RAB3C: variants seen among roughly 807,000 people sequenced by gnomAD.
RAB3C encodes RAB3C, member RAS oncogene family.
RAB3C carries 17 observed loss-of-function variants against 26.4 expected under a neutral mutation model. That is an observed-to-expected ratio of 0.64 (90% CI 0.44 to 0.97). RAB3C has a LOEUF of 0.97. RAB3C is among the 50% of genes least tolerant of loss of function. The pLI is 0.00. For missense variants in RAB3C, 242 were observed against 281.9 expected (o/e 0.86, Z 1.01); for synonymous variants, 91 against 95.9 (o/e 0.95, Z 0.30).
intron 3 of RAB3C, among the ~76,000 whole-genome samples, chr5:58,800,791 A>C (rs1742790348): frequency 6.6e-6 from 1 of 152,208 alleles, no homozygotes; most frequent in Admixed American, 6.5e-5. Flanking sequence ...TGCCAAGTGT[A>C]GCTCAGAGTG....
At chr5:58,684,427 C>A (rs1006164057) in intron 2 of RAB3C, among the ~76,000 whole-genome samples, 1 of 152,128 alleles carries the variant, frequency 6.6e-6, no homozygotes, top group South Asian at 2.1e-4. Context: ...CCTAGAGATC[C>A]ACAGGCCTCA....
intron 3 of RAB3C, among the ~76,000 whole-genome samples, chr5:58,798,286 T>A (rs1051640823): frequency 6.6e-6 from 1 of 152,140 alleles, no homozygotes; most frequent in Non-Finnish European, 1.5e-5. Flanking sequence ...ATGCCACAGG[T>A]TAGTTTTTAA....
intron 3 of RAB3C, among the ~76,000 whole-genome samples, chr5:58,793,726 T>A (rs1742581544): frequency 6.6e-6 from 1 of 152,084 alleles, no homozygotes; most frequent in African/African-American, 2.4e-5. Context: ...AGAGACTCAC[T>A]AAGTCTGGGA....
chr5:58,661,789 T>A lies in RAB3C; in HGVS notation c.252+43919T>A, dbSNP rs962999189. Among the ~76,000 whole-genome samples the A allele has an allele frequency of 1.0e-4, 15 of 149,232 alleles. 1 individual carries two copies. The highest frequency in any genetic ancestry group is 1.3e-4 in the Admixed American group (2 of 15,124). ...CTGTCTTACCTCCCTTTTCCTTAGC[T>A]TCCTCTGAAGCTCACATGATATTAT... On this transcript the variant is annotated intron_variant, in intron 2 of 4. Transcript: ENST00000282878.
At chr5:58,617,057 TA>T (rs145229305) in intron 1 of RAB3C, among the ~76,000 whole-genome samples, 18,331 of 152,202 alleles carry the variant, frequency 0.12, 1,343 homozygotes, top group Non-Finnish European at 0.16. Flanking sequence ...TGTGAGGGAT[TA>T]AATAAGTTAG....
intron 3 of RAB3C, among the ~76,000 whole-genome samples, chr5:58,807,729 A>G (rs1011599292): frequency 5.9e-5 from 9 of 152,148 alleles, no homozygotes; most frequent in African/African-American, 2.2e-4. Flanking sequence ...TGACCTCCAT[A>G]TACCATCACA....
intron 3 of RAB3C, among the ~76,000 whole-genome samples, chr5:58,762,560 G>A (rs957806685): frequency 2.0e-5 from 3 of 152,044 alleles, no homozygotes; most frequent in African/African-American, 7.3e-5. Flanking sequence ...GGGCGTCGTG[G>A]CTGGTGCCTG....
chr5:58,674,545 GT>G (rs1748185061), intron 2 of RAB3C, among the ~76,000 whole-genome samples: 1 of 152,222 alleles, frequency 6.6e-6, no homozygotes, highest in Admixed American at 6.5e-5. Context: ...CATGTGAAAA[GT>G]ATATGGATGA....
At chr5:58,652,861 C>G (rs185583528) in intron 2 of RAB3C, among the ~76,000 whole-genome samples, 3 of 152,144 alleles carry the variant, frequency 2.0e-5, no homozygotes, top group Admixed American at 2.0e-4. Flanking sequence ...AAATTTTCCT[C>G]TATTACTTTT....
At chr5:58,650,177 T>C (rs1324809963) in intron 2 of RAB3C, among the ~76,000 whole-genome samples, 1 of 152,178 alleles carries the variant, frequency 6.6e-6, no homozygotes, top group Non-Finnish European at 1.5e-5. Flanking sequence ...TTTAAATAAA[T>C]AAACATTAAA....
At chr5:58,638,499 A>G (rs972293544) in intron 2 of RAB3C, among the ~76,000 whole-genome samples, 5 of 152,188 alleles carry the variant, frequency 3.3e-5, no homozygotes, top group African/African-American at 1.2e-4. Flanking sequence ...AATGTATCCA[A>G]AAGACAAGCC....
rs1309033928 is a variant in RAB3C, at chr5:58,726,100, C to T, written c.351C>T (p.Ser117=). 1 of 1,580,334 alleles carries T rather than the reference C, an allele frequency of 6.3e-7. No individual in the cohort carries two copies. ...ILMYDITNEE[S]FNAVQDWSTQ... ...TGTATGACATTACAAATGAAGAATCCTTCAATGCAGTACAAGATTGGTAAG... is the reference window on the plus strand; with the variant it reads ...TGTATGACATTACAAATGAAGAATCTTTCAATGCAGTACAAGATTGGTAAG... The change falls in exon 3 of 5, where the codon TCC becomes TCT. Residue 117 remains serine (S), a synonymous_variant. Transcript: ENST00000282878.
At chr5:58,746,703 T>G (rs140184820) in intron 3 of RAB3C, among the ~76,000 whole-genome samples, 39 of 152,342 alleles carry the variant, frequency 2.6e-4, no homozygotes, top group African/African-American at 8.9e-4. Context: ...ATGATTTTTC[T>G]AAAATCAATC....
chr5:58,835,319 CCTT>C (rs1222798789), intron 4 of RAB3C, among the ~76,000 whole-genome samples: 1 of 152,148 alleles, frequency 6.6e-6, no homozygotes, highest in Non-Finnish European at 1.5e-5. Flanking sequence ...TTCCTATACT[CCTT>C]CTTACTAATC....
At chr5:58,779,257 G>A (rs1742217357) in intron 3 of RAB3C, among the ~76,000 whole-genome samples, 1 of 151,478 alleles carries the variant, frequency 6.6e-6, no homozygotes. Context: ...CTAAGTATCT[G>A]TAACAACTCC....
At chr5:58,636,622 A>G (rs1338739493) in intron 2 of RAB3C, among the ~76,000 whole-genome samples, 2 of 152,200 alleles carry the variant, frequency 1.3e-5, no homozygotes, top group African/African-American at 4.8e-5. Context: ...TTATGTTAAT[A>G]TCATTTTGCC....
intron 3 of RAB3C, among the ~76,000 whole-genome samples, chr5:58,813,631 TATAC>T (rs1176444850): frequency 6.1e-4 from 7 of 11,438 alleles, no homozygotes; most frequent in Admixed American, 2.0e-3. Context: ...TATATATATA[TATAC>T]ACACACACAC....
intron 3 of RAB3C, among the ~76,000 whole-genome samples, chr5:58,747,415 G>T (rs1741424081): frequency 2.0e-5 from 3 of 152,006 alleles, no homozygotes; most frequent in Admixed American, 1.3e-4. Flanking sequence ...TACTTTTTAG[G>T]ATGTACGCAA....
At chr5:58,661,052 G>A (rs865855543) in intron 2 of RAB3C, among the ~76,000 whole-genome samples, 2 of 149,998 alleles carry the variant, frequency 1.3e-5, no homozygotes, top group Admixed American at 1.3e-4. Context: ...ACATGATAAT[G>A]TTCCTGCCTC....
Sources: gnomAD v4.1 joint callset for allele counts (sites outside exome capture counted in the v4.1 genomes callset) on GRCh38, gnomAD v4.1.1 for gene constraint, MANE v1.5 for transcripts, NCBI Gene and HGNC (gene_info 2026-07-23, HGNC 2026-07-21) for gene names.